Variants in MFNG observed in about 807,000 individuals in gnomAD.
MFNG encodes beta-1,3-N-acetylglucosaminyltransferase manic fringe.
MFNG carries 24 observed loss-of-function variants against 34.2 expected under a neutral mutation model. The ratio of observed to expected loss-of-function variants is 0.70; its 90% CI spans 0.51 to 0.99. The LOEUF (loss-of-function observed/expected upper bound fraction) is 0.99, where lower values mean the gene tolerates loss of function less well. Ranked by LOEUF, MFNG falls within the 50% of genes least tolerant of loss-of-function variation. MFNG has a pLI of 0.00. For synonymous variants in MFNG, 158 were observed against 179.2 expected (o/e 0.88, Z 0.94); for missense variants, 383 against 424.0 (o/e 0.90, Z 0.85).
intron 3 of MFNG, among the ~76,000 whole-genome samples, chr22:37,479,794 A>T (rs1601798233): frequency 6.6e-6 from 1 of 152,172 alleles, no homozygotes; most frequent in East Asian, 1.9e-4. Flanking sequence ...ACCTGAGGTC[A>T]GGAGTTCGAG....
intron 7 of MFNG, 55 bp from the exon 8 acceptor site, chr22:37,470,084 C>A: frequency 7.2e-7 from 1 of 1,390,842 alleles, no homozygotes; most frequent in Non-Finnish European, 1.0e-6. Flanking sequence ...TGCTCTCAGC[C>A]CACTCTCCTA....
chr22:37,472,614 T>A (rs1372909612), intron 6 of MFNG, 86 bp from the exon 7 acceptor site: 33 of 1,298,736 alleles, frequency 2.5e-5, no homozygotes, highest in Non-Finnish European at 3.3e-5. Flanking sequence ...GGAGGAGGGG[T>A]TTTAAGCTGC....
intron 4 of MFNG, 91 bp downstream of exon 4, chr22:37,479,252 CCT>C: frequency 7.2e-6 from 10 of 1,381,712 alleles, no homozygotes; most frequent in Non-Finnish European, 9.5e-6. Context: ...ACCCAGAACC[CCT>C]CTCACCTCTC....
In MFNG at chr22:37,480,241, G is replaced by T. The variant is rs753641999; in HGVS notation, c.363C>A (p.Cys121Ter). 6.2e-5 allele frequency: 100 copies of T among 1,613,048 alleles called. 2 individuals carry two copies. The Admixed American group carries it at 1.4e-3, about 23-fold the overall frequency. ...AGGTGTCGAACTCAGCAGCCATCTT[G>T]CAGGACAGAGCTGGGTGGCTGTGTT... Reference protein sequence around the residue: ...SAEHSHPALSCKMAAEFDTFL... With the variant: ...SAEHSHPALS The change falls in exon 3 of 8, where the codon TGC becomes TGA. Residue 121 changes from cysteine to a stop codon, truncating the protein, a stop_gained. Coordinates refer to ENST00000356998, the MANE Select transcript of MFNG (RefSeq NM_002405.4). LOFTEE classifies it high-confidence loss of function.
At chr22:37,478,639 T>C (rs1922145350) in intron 4 of MFNG, among the ~76,000 whole-genome samples, 1 of 149,170 alleles carries the variant, frequency 6.7e-6, no homozygotes, top group South Asian at 2.1e-4. Flanking sequence ...GGGGCTCAGG[T>C]GGCAGCAATC....
chr22:37,475,293 GGCTCACTGCAATCTCC>G (rs1317391001), intron 5 of MFNG, among the ~76,000 whole-genome samples: 3 of 152,084 alleles, frequency 2.0e-5, no homozygotes, highest in African/African-American at 7.2e-5. Context: ...GTGCAATCTC[GGCTCACTGCAATCTCC>G]GCCTCCTGGG....
At chr22:37,480,169 T>C in intron 3 of MFNG, 28 bp downstream of exon 3, 2 of 1,572,992 alleles carry the variant, frequency 1.3e-6, no homozygotes, top group Non-Finnish European at 1.7e-6. Flanking sequence ...CAGACCACAC[T>C]TATCCCCAGA....
chr22:37,472,397 C>T (rs1434542291), intron 7 of MFNG, 46 bp downstream of exon 7: 1 of 1,444,414 alleles, frequency 6.9e-7, no homozygotes, highest in Admixed American at 2.3e-5. Context: ...GATGCCTGGA[C>T]TCAGCCCCCA....
At chr22:37,480,167 A>C (rs1174648817) in intron 3 of MFNG, 30 bp downstream of exon 3, 3 of 1,567,088 alleles carry the variant, frequency 1.9e-6, no homozygotes, top group Non-Finnish European at 2.6e-6. Flanking sequence ...CCCAGACCAC[A>C]CTTATCCCCA....
chr22:37,473,641 A>T (rs146788760), intron 6 of MFNG, among the ~76,000 whole-genome samples: 1 of 152,270 alleles, frequency 6.6e-6, no homozygotes, highest in Non-Finnish European at 1.5e-5. Flanking sequence ...GAGATGGGTC[A>T]CCTGACCCAA....
chr22:37,485,912 C>A lies in MFNG; in HGVS notation c.255+11G>T. The stretch of plus-strand genomic sequence containing the variant: ...GGCCACCCCCAGGGCCCAATGTCAC[C>A]CACTTGTCACCTGTTCCCTGGTCCT... On this transcript the variant is annotated intron_variant, in intron 1 of 7. Transcript: ENST00000356998. The surrounding 1 kb of genome is among the most constrained non-coding windows in gnomAD (Gnocchi z 5.3). The A allele has an allele frequency of 6.2e-7, 1 of 1,608,692 alleles. No homozygotes were observed. Among genetic ancestry groups the A allele is most frequent in the South Asian group, 1.1e-5 (1 of 90,540 alleles).
rs1045447302 is a variant in MFNG at position 37,485,741 on chromosome 22, G to T, written c.255+182C>A. 1.3e-5 allele frequency among the ~76,000 whole-genome samples: 2 copies of T among 152,192 alleles called. No homozygotes were observed. The highest frequency in any genetic ancestry group is 4.8e-5 in the African/African-American group (2 of 41,454). ...TGGAGTCAGGACCAGTACAGGGCACGGGCAGGGCCGCAGGCAGCCCCTAAA... is the reference window on the plus strand; with the variant it reads ...TGGAGTCAGGACCAGTACAGGGCACTGGCAGGGCCGCAGGCAGCCCCTAAA... On this transcript the variant is annotated intron_variant, in intron 1 of 7. Transcript: ENST00000356998. The surrounding 1 kb of genome is among the most constrained non-coding windows in gnomAD (Gnocchi z 5.3).
chr22:37,474,669 C>A lies in MFNG; in HGVS notation c.656G>T (p.Arg219Leu). The change falls in exon 6 of 8, where the codon CGT becomes CTT. Residue 219 changes from arginine (R) to leucine (L), a missense_variant. Arg to Leu is a moderately radical substitution (Grantham distance 102). Coordinates refer to ENST00000356998, the MANE Select transcript of MFNG (RefSeq NM_002405.4). The part of the protein sequence containing the change: ...LKMAPWASGS[R>L]FMDTSALIRL... ...GATGAGAGCAGATGTGTCCATGAAACGGGAGCCACTGAGGGACAGAGCCAG... is the reference window on the plus strand; with the variant it reads ...GATGAGAGCAGATGTGTCCATGAAAAGGGAGCCACTGAGGGACAGAGCCAG... 1 of 1,600,962 alleles carries A rather than the reference C, an allele frequency of 6.2e-7. No homozygotes were observed.
At position 37,485,514 on chromosome 22, in the gene MFNG, G is replaced by T. The variant is rs1397539503; in HGVS notation, c.255+409C>A. Among the ~76,000 whole-genome samples, 1 of 152,160 alleles carries T rather than the reference G, an allele frequency of 6.6e-6. No homozygotes were observed. The highest frequency in any genetic ancestry group is 1.9e-4 in the East Asian group (1 of 5,182). On this transcript the variant is annotated intron_variant, in intron 1 of 7. Coordinates refer to ENST00000356998, the MANE Select transcript of MFNG (RefSeq NM_002405.4). The surrounding 1 kb of genome is among the most constrained non-coding windows in gnomAD (Gnocchi z 5.3). ...CAGCCTGGCCTGGGCACGGGTCTGG[G>T]TCAGGACCTCTTGGAGGCCTCCACC... is the stretch of plus-strand genomic sequence containing the variant.
chr22:37,476,654 T>A (rs1479430262), intron 5 of MFNG, among the ~76,000 whole-genome samples: 1 of 152,216 alleles, frequency 6.6e-6, no homozygotes, highest in Non-Finnish European at 1.5e-5. Flanking sequence ...ACGGGGGGAC[T>A]GGGGCTCTTG....
chr22:37,485,567 CT>C lies in MFNG; in HGVS notation c.255+355del, dbSNP rs955328097. On this transcript the variant is annotated intron_variant, in intron 1 of 7. Transcript: ENST00000356998. This position sits in a 1 kb window ranked among gnomAD's most constrained non-coding sequence, Gnocchi z 5.3. ...AGCTGCCCAACACCCACCATTACCCCTGATGCCAGGCTGGGCCTGGGTGGCT... is the reference window on the plus strand; with the variant it reads ...AGCTGCCCAACACCCACCATTACCCCGATGCCAGGCTGGGCCTGGGTGGCT... 1.3e-5 allele frequency among the ~76,000 whole-genome samples: 2 copies of C among 152,200 alleles called. No individual in the cohort carries two copies. Among genetic ancestry groups the C allele is most frequent in the Admixed American group, 6.5e-5 (1 of 15,282 alleles).
rs951414809 is a variant in MFNG, at chr22:37,470,099, C to T, written c.900-70G>A. On this transcript the variant is annotated intron_variant, in intron 7 of 7. Coordinates refer to ENST00000356998, the MANE Select transcript of MFNG (RefSeq NM_002405.4). ...TGCTCTCAGCCCACTCTCCTAGGTG[C>T]ACACATGCCACAGAGGCGGTTTGGA... 8.4e-6 allele frequency: 10 copies of T among 1,191,830 alleles called. No homozygotes were observed. In the African/African-American group the frequency reaches 1.2e-4, roughly 14 times the overall value. 73.8% of individuals were successfully genotyped at this position (1,191,830 alleles called of 1,614,324 possible). A position where few individuals can be genotyped will look rare whatever the true frequency, so the allele number is the denominator to read the frequency against.
intron 2 of MFNG, 149 bp downstream of exon 2, chr22:37,480,572 G>A (rs2145735708): frequency 2.5e-6 from 2 of 786,194 alleles, no homozygotes; most frequent in African/African-American, 1.7e-5. Flanking sequence ...CAGGGAAGAG[G>A]CCCACTTCCC....
chr22:37,471,464 TG>T (rs1200989391), intron 7 of MFNG, among the ~76,000 whole-genome samples: 1 of 152,124 alleles, frequency 6.6e-6, no homozygotes, highest in Non-Finnish European at 1.5e-5. Flanking sequence ...GTTGGACTGA[TG>T]GGCCCAGAGT....
Sources: gnomAD v4.1 joint callset for allele counts (sites outside exome capture counted in the v4.1 genomes callset) on GRCh38, gnomAD v4.1.1 for gene constraint, Gnocchi (gnomAD v3.1) non-coding constraint, MANE v1.5 for transcripts, NCBI Gene and HGNC (gene_info 2026-07-23, HGNC 2026-07-21) for gene names.